Variants in TGS1 observed in about 807,000 individuals in gnomAD.
TGS1 encodes trimethylguanosine synthase.
A neutral mutation model predicts 92.2 loss-of-function variants in TGS1; 69 were observed. The observed-to-expected ratio is 0.75, with a 90% confidence interval of 0.62 to 0.91. TGS1 has a LOEUF of 0.91. TGS1 is among the 40% of genes least tolerant of loss of function. The pLI is 0.00. For missense variants in TGS1, 1,062 were observed against 1,001.2 expected, an observed-to-expected ratio of 1.06 and a Z score of -0.82; for synonymous variants, 345 against 338.1, an observed-to-expected ratio of 1.02 and a Z score of -0.22.
At chr8:55,781,999 T>C (rs1272659551) in intron 1 of TGS1, among the ~76,000 whole-genome samples, 1 of 152,134 alleles carries the variant, frequency 6.6e-6, no homozygotes, top group East Asian at 1.9e-4. Context: ...AATGGATAGT[T>C]TGTCTTATTA....
rs1812245941 is a variant in TGS1, at chr8:55,802,493, A to G, written c.1886A>G (p.Lys629Arg). 1 of 1,614,102 alleles carries G rather than the reference A, an allele frequency of 6.2e-7. No homozygotes were observed. The highest frequency in any genetic ancestry group is 8.5e-7 in the Non-Finnish European group (1 of 1,179,970). The change falls in exon 9 of 13, where the codon AAA becomes AGA. Residue 629 changes from lysine (K) to arginine (R), a missense_variant. Lys to Arg is a conservative substitution (Grantham distance 26). Coordinates refer to ENST00000260129, the MANE Select transcript of TGS1 (RefSeq NM_024831.8). ...VKKKKNKKKN[K>R]KVNGLPPEIA... Reference sequence around the variant, plus strand: ...AAGAAGAAGAACAAGAAGAAGAACAAAAAGGTGAATGGTCTGCCTCCTGAA... The same window carrying G: ...AAGAAGAAGAACAAGAAGAAGAACAGAAAGGTGAATGGTCTGCCTCCTGAA...
At position 55,773,730 on chromosome 8, in the gene TGS1, AAG is replaced by A. The variant is rs1408511977; in HGVS notation, c.101+15_101+16del. On this transcript the variant is annotated intron_variant, in intron 1 of 12. Coordinates refer to ENST00000260129, the MANE Select transcript of TGS1 (RefSeq NM_024831.8). The stretch of plus-strand genomic sequence containing the variant: ...CAGGGCATTTGTGGAGTAAGTAGAA[AAG>A]AGAATCTCTTCATGTTCTAGCACAG... 5.6e-6 allele frequency: 9 copies of A among 1,596,362 alleles called. No homozygotes were observed. The highest frequency in any genetic ancestry group is 3.4e-5 in the Admixed American group (2 of 59,400).
At chr8:55,819,805 T>C (rs1803583518) in intron 12 of TGS1, among the ~76,000 whole-genome samples, 1 of 152,246 alleles carries the variant, frequency 6.6e-6, no homozygotes, top group Admixed American at 6.5e-5. Context: ...AGAGAACTTT[T>C]AATTACCAGA....
chr8:55,785,536 C>A (rs553446160), intron 2 of TGS1, among the ~76,000 whole-genome samples, 183 bp from the exon 3 acceptor site: 4 of 152,046 alleles, frequency 2.6e-5, no homozygotes, highest in Non-Finnish European at 5.9e-5. Flanking sequence ...CTGCAGATAG[C>A]CCTTATACTC....
chr8:55,813,686 G>A (rs1352086706), intron 12 of TGS1, among the ~76,000 whole-genome samples: 1 of 152,086 alleles, frequency 6.6e-6, no homozygotes, highest in Non-Finnish European at 1.5e-5. Flanking sequence ...TTCAGGAGAT[G>A]CTATCTCCAT....
chr8:55,815,521 A>G (rs1803451399), intron 12 of TGS1, among the ~76,000 whole-genome samples: 1 of 152,192 alleles, frequency 6.6e-6, no homozygotes, highest in Non-Finnish European at 1.5e-5. Context: ...TGAATTTGCA[A>G]ATGGTTTGGG....
At position 55,824,571 on chromosome 8, in the gene TGS1, A is replaced by T; in HGVS notation, c.2440-10A>T. The T allele has an allele frequency of 6.2e-7, 1 of 1,614,072 alleles. No individual in the cohort carries two copies. Among genetic ancestry groups the T allele is most frequent in the Non-Finnish European group, 8.5e-7 (1 of 1,179,970 alleles). Reference sequence around the variant, plus strand: ...GTGTGTGTGTGACTTTCTTCTGTTCATCTTTTTAGGTGGCATCCTTAGCTG... The same window carrying T: ...GTGTGTGTGTGACTTTCTTCTGTTCTTCTTTTTAGGTGGCATCCTTAGCTG... On this transcript the variant is annotated splice_polypyrimidine_tract_variant and intron_variant, in intron 12 of 12. Coordinates refer to ENST00000260129, the MANE Select transcript of TGS1 (RefSeq NM_024831.8).
Position 55,798,986 on chromosome 8 carries a change from A to C in TGS1, c.1615A>C (p.Asn539His). 6.2e-7 allele frequency: 1 copy of C among 1,614,072 alleles called. No homozygotes were observed. Among genetic ancestry groups the C allele is most frequent in the Non-Finnish European group, 8.5e-7 (1 of 1,180,010 alleles). Residue 539 changes from asparagine to histidine, a missense_variant, in exon 8 of 13, where the codon AAT (asparagine) becomes CAT (histidine). Coordinates refer to ENST00000260129, the MANE Select transcript of TGS1 (RefSeq NM_024831.8). ...ATCACAGGAATCATCTTCTCATGAC[A>C]ATGTGCACGACGCTTCCACAAGTAG... ...EASQESSSHD[N>H]VHDASTSSDS...
In TGS1 at chr8:55,814,581, TG is replaced by T. The variant is rs372647797; in HGVS notation, c.2439+1466del. Among the ~76,000 whole-genome samples, 381 of 150,062 alleles carry T rather than the reference TG, an allele frequency of 2.5e-3. 18 individuals carry two copies. In the East Asian group the frequency reaches 0.071, roughly 28 times the overall value. ...GCTCAGACCTGTAATCCCAGCACTT[TG>T]GGAGGCCAAGGCAGGCAGATCGCTT... is the stretch of plus-strand genomic sequence containing the variant. On this transcript the variant is annotated intron_variant, in intron 12 of 12. Coordinates refer to ENST00000260129, the MANE Select transcript of TGS1 (RefSeq NM_024831.8).
rs898713794 is a variant in TGS1 at position 55,786,409 on chromosome 8, C to T, written c.511C>T (p.Leu171Phe). 3.1e-6 allele frequency: 5 copies of T among 1,613,406 alleles called. No homozygotes were observed. In the African/African-American group the frequency reaches 5.3e-5, roughly 17 times the overall value. Residue 171 changes from leucine (L) to phenylalanine (F), a missense_variant, in exon 4 of 13, where the codon CTT (leucine) becomes TTT (phenylalanine). Coordinates refer to ENST00000260129, the MANE Select transcript of TGS1 (RefSeq NM_024831.8). Reference protein sequence around the residue: ...EQYENTRTYELQSKKDTETEN... With the variant: ...EQYENTRTYEFQSKKDTETEN... ...GTATGAGAACACCAGAACATATGAA[C>T]TTCAAAGCAAAAAAGATACTGAGAC...
chr8:55,824,722 A>G lies in TGS1; in HGVS notation c.*19A>G, dbSNP rs750360600. The G allele has an allele frequency of 1.4e-5, 23 of 1,613,718 alleles. No homozygotes were observed. Among genetic ancestry groups the G allele is most frequent in the African/African-American group, 4.0e-5 (3 of 74,922 alleles). ...AACCTAACTATGCAGCAGTGCGAGGACAAAAGATCATGGAGTGGTCAAAAT... is the reference window on the plus strand; with the variant it reads ...AACCTAACTATGCAGCAGTGCGAGGGCAAAAGATCATGGAGTGGTCAAAAT... On this transcript the variant is annotated 3_prime_UTR_variant, in exon 13 of 13. Coordinates refer to ENST00000260129, the MANE Select transcript of TGS1 (RefSeq NM_024831.8).
intron 8 of TGS1, among the ~76,000 whole-genome samples, chr8:55,800,927 A>G (rs911145723): frequency 1.3e-5 from 2 of 152,142 alleles, no homozygotes; most frequent in East Asian, 1.9e-4. Flanking sequence ...TCATCTTTCT[A>G]TGTTGTTGCT....
intron 5 of TGS1, 82 bp downstream of exon 5, chr8:55,790,381 T>C (rs914961735): frequency 1.1e-6 from 1 of 883,438 alleles, no homozygotes; most frequent in African/African-American, 1.6e-5. Context: ...TAAATGATTG[T>C]TATGTTCACA....
At chr8:55,818,432 C>T (rs188450199) in intron 12 of TGS1, among the ~76,000 whole-genome samples, 31 of 152,334 alleles carry the variant, frequency 2.0e-4, no homozygotes, top group African/African-American at 6.3e-4. Context: ...AGGTGTCAGC[C>T]ACCACGCCCA....
At chr8:55,811,179 G>A in intron 11 of TGS1, 82 bp downstream of exon 11, 3 of 808,058 alleles carry the variant, frequency 3.7e-6, no homozygotes, top group Non-Finnish European at 3.9e-6. Context: ...GGGAGTGTGG[G>A]TGGGTGGGCA....
chr8:55,788,788 A>T (rs913221346), intron 4 of TGS1, among the ~76,000 whole-genome samples: 3 of 152,050 alleles, frequency 2.0e-5, no homozygotes, highest in Non-Finnish European at 2.9e-5. Flanking sequence ...TTATATTAGT[A>T]TTCTGATACT....
intron 8 of TGS1, 96 bp downstream of exon 8, chr8:55,799,316 C>T (rs1305156221): frequency 1.0e-5 from 12 of 1,157,864 alleles, no homozygotes; most frequent in Non-Finnish European, 1.4e-5. Context: ...ATCTTCTGTA[C>T]CTAAGGAGTC....
chr8:55,792,659 T>C, intron 5 of TGS1, 39 bp from the exon 6 acceptor site: 2 of 1,422,164 alleles, frequency 1.4e-6, no homozygotes, highest in South Asian at 2.3e-5. Flanking sequence ...TGGGCTCTGG[T>C]GGTAATGGCT....
chr8:55,798,170 A>G (rs1007210430), intron 7 of TGS1, among the ~76,000 whole-genome samples: 1 of 152,234 alleles, frequency 6.6e-6, no homozygotes, highest in Admixed American at 6.5e-5. Context: ...ATTTATTTAT[A>G]GGCACATTTC....
Sources: gnomAD v4.1 joint callset for allele counts (sites outside exome capture counted in the v4.1 genomes callset) on GRCh38, gnomAD v4.1.1 for gene constraint, MANE v1.5 for transcripts, NCBI Gene and HGNC (gene_info 2026-07-23, HGNC 2026-07-21) for gene names.